The following ABLIM1 variants were observed in gnomAD, a reference collection of about 807,000 sequenced individuals.
ABLIM1 encodes the protein actin binding LIM protein 1.
A neutral mutation model predicts 107.0 loss-of-function variants in ABLIM1; 40 were observed. The observed-to-expected ratio is 0.37, with a 90% CI of 0.29 to 0.49. ABLIM1 has a LOEUF of 0.49. Among genes scored for constraint, ABLIM1 ranks in the 20% least tolerant of loss-of-function variants. The probability of loss-of-function intolerance (pLI) is 0.97; values close to 1 mark genes in which losing one functional copy is unlikely to be tolerated. For missense variants in ABLIM1, 857 were observed against 1,008.5 expected (o/e 0.85, Z 2.04); for synonymous variants, 357 against 357.3 (o/e 1.00, Z 0.01).
intron 1 of ABLIM1, among the ~76,000 whole-genome samples, chr10:114,734,271 C>T (rs1484300537): frequency 1.3e-5 from 2 of 152,162 alleles, no homozygotes; most frequent in Admixed American, 6.6e-5. Flanking sequence ...AACTGGTTCT[C>T]CACCAAATCT....
chr10:114,507,435 C>T (rs754275106), intron 6 of ABLIM1, among the ~76,000 whole-genome samples: 1 of 152,248 alleles, frequency 6.6e-6, no homozygotes, highest in Non-Finnish European at 1.5e-5. Flanking sequence ...TAAGGCAAGG[C>T]TTACACCTTT....
intron 1 of ABLIM1, among the ~76,000 whole-genome samples, chr10:114,745,152 C>A (rs1049461017): frequency 7.9e-5 from 12 of 152,154 alleles, no homozygotes; most frequent in Non-Finnish European, 1.6e-4. Context: ...CTGCCCCACC[C>A]TCTCCTCCAA....
intron 19 of ABLIM1, 48 bp downstream of exon 19, chr10:114,440,969 C>T (rs748755498): frequency 6.5e-7 from 1 of 1,543,242 alleles, no homozygotes; most frequent in Admixed American, 1.9e-5. Flanking sequence ...TGAACCTCAG[C>T]CTCGAGGGAA....
upstream of ABLIM1, among the ~76,000 whole-genome samples, chr10:114,661,072 T>C (rs1482399633): frequency 6.6e-6 from 1 of 152,140 alleles, no homozygotes; most frequent in African/African-American, 2.4e-5. Context: ...TCCATATATT[T>C]AGTTCAAGAT....
intron 1 of ABLIM1, among the ~76,000 whole-genome samples, chr10:114,663,405 C>T (rs1163154958): frequency 6.6e-6 from 1 of 152,202 alleles, no homozygotes; most frequent in Non-Finnish European, 1.5e-5. Context: ...ACCCTGTTTC[C>T]TTTACATGAG....
At chr10:114,652,185 T>C (rs577649303) in intron 1 of ABLIM1, among the ~76,000 whole-genome samples, 21 of 152,308 alleles carry the variant, frequency 1.4e-4, no homozygotes, top group African/African-American at 1.9e-4. Flanking sequence ...GAAGATGCTA[T>C]AGAAAAGCTC....
intron 6 of ABLIM1, among the ~76,000 whole-genome samples, chr10:114,531,630 G>T (rs2136988455): frequency 6.6e-6 from 1 of 152,294 alleles, no homozygotes. Context: ...TGATTCTCTT[G>T]CCTCAGCCTC....
At chr10:114,781,668 A>ATATATATATATATATAAGTG in the ABLIM1 span, among the ~76,000 whole-genome samples, 1 of 48,022 alleles carries the variant, frequency 2.1e-5, no homozygotes, top group African/African-American at 1.1e-4. Context: ...ATGCGTGTAT[A>ATATATATATATATATAAGTG]TATATATATA....
At chr10:114,763,733 T>C (rs984421599) in intron 1 of ABLIM1, among the ~76,000 whole-genome samples, 3 of 152,214 alleles carry the variant, frequency 2.0e-5, no homozygotes, top group African/African-American at 2.4e-5. Flanking sequence ...TTTTGAAAGC[T>C]TGCAGGATGA....
At chr10:114,557,964 T>C (rs944374818) in intron 4 of ABLIM1, among the ~76,000 whole-genome samples, 2 of 152,098 alleles carry the variant, frequency 1.3e-5, no homozygotes, top group Non-Finnish European at 2.9e-5. Flanking sequence ...TCATTATACA[T>C]TGTTACATTT....
rs377352513 is a variant in ABLIM1 at position 114,558,902 on chromosome 10, A to AGTGTGTGTGTGTGTGTGTGTGT, written c.674-11127_674-11126insACACACACACACACACACACAC. Among the ~76,000 whole-genome samples the AGTGTGTGTGTGTGTGTGTGTGT allele has an allele frequency of 2.8e-3, 422 of 148,688 alleles. 3 individuals are homozygous for AGTGTGTGTGTGTGTGTGTGTGT. The highest frequency in any genetic ancestry group is 4.2e-3 in the African/African-American group (163 of 39,124). ...GTTTCAGGTCCTGTCAGGGAGAACT[A>AGTGTGTGTGTGTGTGTGTGTGT]GTGTGTGTGTCTGTGTGTGTGTGTG... On this transcript the variant is annotated intron_variant, in intron 4 of 22. Transcript: ENST00000533213.
chr10:114,552,083 C>A (rs553393356), intron 4 of ABLIM1, among the ~76,000 whole-genome samples: 1 of 152,236 alleles, frequency 6.6e-6, no homozygotes, highest in African/African-American at 2.4e-5. Flanking sequence ...GAATACCAGC[C>A]CACGTGAGAA....
chr10:114,728,017 G>A (rs967983586), intron 1 of ABLIM1, among the ~76,000 whole-genome samples: 23 of 152,070 alleles, frequency 1.5e-4, no homozygotes, highest in African/African-American at 5.3e-4. Context: ...TGAACATCCA[G>A]AATTTACAAA....
At chr10:114,637,541 A>G (rs561793765) in intron 1 of ABLIM1, among the ~76,000 whole-genome samples, 8 of 152,332 alleles carry the variant, frequency 5.3e-5, no homozygotes, top group African/African-American at 1.9e-4. Context: ...AAGTAGAACT[A>G]TTTTATGGTT....
chr10:114,784,104 T>G, the ABLIM1 span, among the ~76,000 whole-genome samples: 31 of 151,840 alleles, frequency 2.0e-4, no homozygotes, highest in Middle Eastern at 3.4e-3. Context: ...TCCCAGCACT[T>G]TGGGAGGCTG....
At chr10:114,728,217 C>T (rs2081998907) in intron 1 of ABLIM1, among the ~76,000 whole-genome samples, 1 of 152,170 alleles carries the variant, frequency 6.6e-6, no homozygotes, top group African/African-American at 2.4e-5. Context: ...TCAAACTTGA[C>T]AATGGCAAGT....
chr10:114,485,222 C>T (rs888266403), intron 8 of ABLIM1: 3 of 1,184,362 alleles, frequency 2.5e-6, no homozygotes, highest in Non-Finnish European at 3.5e-6. Context: ...GTGAGAAAAG[C>T]AGCCCAGGGG....
chr10:114,476,778 C>A (rs1182538061), intron 8 of ABLIM1, among the ~76,000 whole-genome samples: 2 of 152,024 alleles, frequency 1.3e-5, no homozygotes, highest in Non-Finnish European at 2.9e-5. Context: ...CCTGAAAAAG[C>A]TGAACCTGTA....
intron 6 of ABLIM1, among the ~76,000 whole-genome samples, chr10:114,531,503 T>C (rs1217079327): frequency 1.3e-5 from 2 of 152,196 alleles, no homozygotes; most frequent in African/African-American, 4.8e-5. Flanking sequence ...ATTACTCAGC[T>C]TCTTTTTTGT....
Sources: gnomAD v4.1 joint callset for allele counts (sites outside exome capture counted in the v4.1 genomes callset) on GRCh38, gnomAD v4.1.1 for gene constraint, MANE v1.5 for transcripts, NCBI Gene and HGNC (gene_info 2026-07-23, HGNC 2026-07-21) for gene names.